Variants in KCNIP4 observed in about 807,000 individuals in gnomAD.
The protein encoded by KCNIP4 is Kv channel-interacting protein 4.
KCNIP4 carries 12 observed loss-of-function variants against 34.0 expected under a neutral mutation model. The observed-to-expected ratio is 0.35, with a 90% CI of 0.23 to 0.57. The LOEUF (loss-of-function observed/expected upper bound fraction) is 0.57, where lower values mean the gene tolerates loss of function less well. Among genes scored for constraint, KCNIP4 ranks in the 20% least tolerant of loss-of-function variants. KCNIP4 has a pLI of 0.83. For synonymous variants in KCNIP4, 124 were observed against 102.2 expected, an observed-to-expected ratio of 1.21 and a Z score of -1.29; for missense variants, 238 against 311.7, an observed-to-expected ratio of 0.76 and a Z score of 1.78.
intron 3 of KCNIP4, among the ~76,000 whole-genome samples, chr4:20,791,694 A>G (rs914113396): frequency 7.2e-5 from 11 of 152,224 alleles, no homozygotes; most frequent in Non-Finnish European, 1.5e-4. Context: ...TTTATATGTT[A>G]AGTTTATATG....
At chr4:20,930,498 A>C (rs917206399) in intron 1 of KCNIP4, among the ~76,000 whole-genome samples, 2 of 152,098 alleles carry the variant, frequency 1.3e-5, no homozygotes, top group African/African-American at 4.8e-5. Context: ...ACAGAATCGA[A>C]AATAAATAAA....
At chr4:21,269,122 T>C (rs1367492750) in intron 1 of KCNIP4, among the ~76,000 whole-genome samples, 1 of 152,134 alleles carries the variant, frequency 6.6e-6, no homozygotes, top group African/African-American at 2.4e-5. Context: ...ATAATCACAA[T>C]TTGGCTATAG....
At chr4:21,840,100 G>A (rs543557560) in intron 1 of KCNIP4, among the ~76,000 whole-genome samples, 7 of 151,920 alleles carry the variant, frequency 4.6e-5, no homozygotes, top group South Asian at 2.1e-4. Flanking sequence ...AAAGCACCGC[G>A]GAGGTAAGTT....
At chr4:21,513,752 C>T (rs1184047997) in intron 1 of KCNIP4, among the ~76,000 whole-genome samples, 2 of 152,116 alleles carry the variant, frequency 1.3e-5, no homozygotes, top group East Asian at 1.9e-4. Flanking sequence ...TTCAACGTTG[C>T]TACTTTATTG....
In KCNIP4 at chr4:21,434,773, A is replaced by AGGG. The variant is rs1560402283; in HGVS notation, c.61+513797_61+513798insCCC. ...CCCCACAACCCTGTCTGTGGGGGGA[A>AGGG]AAAAAAAAAAAAAGGCTTTCCATGA... On this transcript the variant is annotated intron_variant, in intron 1 of 8. Coordinates refer to ENST00000382152, the MANE Select transcript of KCNIP4 (RefSeq NM_025221.6). Among the ~76,000 whole-genome samples the AGGG allele has an allele frequency of 9.4e-5, 9 of 96,164 alleles. No homozygotes were observed. The South Asian group carries it at 1.5e-3, about 16-fold the overall frequency. 63.1% of individuals were successfully genotyped at this position (96,164 alleles called of 152,430 possible).
chr4:21,289,982 C>G (rs1578027071), intron 1 of KCNIP4, among the ~76,000 whole-genome samples: 1 of 152,000 alleles, frequency 6.6e-6, no homozygotes, highest in African/African-American at 2.4e-5. Flanking sequence ...CCCTAAGAAT[C>G]AGAAAACTAA....
intron 1 of KCNIP4, among the ~76,000 whole-genome samples, chr4:20,914,030 G>T (rs1728578181): frequency 6.6e-6 from 1 of 152,190 alleles, no homozygotes; most frequent in South Asian, 2.1e-4. Context: ...GGTGGTGGGT[G>T]CCTGTAATCC....
At chr4:21,330,638 A>C (rs1381528102) in intron 1 of KCNIP4, among the ~76,000 whole-genome samples, 1 of 152,174 alleles carries the variant, frequency 6.6e-6, no homozygotes, top group Non-Finnish European at 1.5e-5. Context: ...TTGAAACCCT[A>C]TAGAGCATTC....
chr4:21,515,369 T>C (rs1734665974), intron 1 of KCNIP4, among the ~76,000 whole-genome samples: 1 of 152,178 alleles, frequency 6.6e-6, no homozygotes, highest in South Asian at 2.1e-4. Context: ...CTGAGTGAGG[T>C]GGCTCATGCC....
At position 21,238,139 on chromosome 4, in the gene KCNIP4, C is replaced by T. The variant is rs1001357038; in HGVS notation, c.62-355430G>A. The stretch of plus-strand genomic sequence containing the variant: ...ACCAAAGACAAAAACCACATGATTA[C>T]CTCAATAGATGCAGAAAAGGCCTTT... On this transcript the variant is annotated intron_variant, in intron 1 of 8. Coordinates refer to ENST00000382152, the MANE Select transcript of KCNIP4 (RefSeq NM_025221.6). 9.5e-3 allele frequency among the ~76,000 whole-genome samples: 1,438 copies of T among 152,158 alleles called. 27 individuals are homozygous for T. Among genetic ancestry groups the T allele is most frequent in the African/African-American group, 0.033 (1,360 of 41,516 alleles).
chr4:20,770,488 C>A (rs1755772610), intron 3 of KCNIP4, among the ~76,000 whole-genome samples: 1 of 145,186 alleles, frequency 6.9e-6, no homozygotes, highest in South Asian at 2.2e-4. Flanking sequence ...AAAAAAAATA[C>A]CGAGTAAAGA....
rs199506047 is a variant in KCNIP4 at position 20,937,466 on chromosome 4, C to T, written c.62-54757G>A. ...AGCCAGGATGGTCTCGATCTCCTGA[C>T]CTAGTGATCCACCCGCCTCGGCCTC... On this transcript the variant is annotated intron_variant, in intron 1 of 8. Transcript: ENST00000382152. 5.3e-5 allele frequency among the ~76,000 whole-genome samples: 8 copies of T among 150,898 alleles called. No homozygotes were observed. The East Asian group carries it at 1.4e-3, about 26-fold the overall frequency.
chr4:21,610,679 C>T (rs1178895925), intron 1 of KCNIP4, among the ~76,000 whole-genome samples: 1 of 151,984 alleles, frequency 6.6e-6, no homozygotes, highest in Non-Finnish European at 1.5e-5. Flanking sequence ...TGAGTTTATT[C>T]ATACATTTTC....
intron 1 of KCNIP4, among the ~76,000 whole-genome samples, chr4:21,747,903 A>C (rs1716881356): frequency 6.6e-6 from 1 of 152,158 alleles, no homozygotes; most frequent in African/African-American, 2.4e-5. Context: ...AGACGCAAAA[A>C]AGGACACACA....
intron 1 of KCNIP4, among the ~76,000 whole-genome samples, chr4:20,888,430 T>C (rs773159004): frequency 3.9e-5 from 6 of 152,156 alleles, no homozygotes; most frequent in African/African-American, 1.4e-4. Context: ...AGAATGTACA[T>C]ATATGCTTCC....
chr4:21,666,962 G>A (rs1224706933), intron 1 of KCNIP4, among the ~76,000 whole-genome samples: 1 of 152,278 alleles, frequency 6.6e-6, no homozygotes, highest in Middle Eastern at 3.4e-3. Context: ...AGTAGAAGGA[G>A]AAATAGACAA....
Position 21,299,443 on chromosome 4 carries a change from C to A in KCNIP4, c.62-416734G>T, listed in dbSNP as rs111913131. On this transcript the variant is annotated intron_variant, in intron 1 of 8. Coordinates refer to ENST00000382152, the MANE Select transcript of KCNIP4 (RefSeq NM_025221.6). Reference sequence around the variant, plus strand: ...ATAAGAAAAGATGAACCATAAGAGACCCTAAAGGCGGTATATGTATTCCCT... The same window carrying A: ...ATAAGAAAAGATGAACCATAAGAGAACCTAAAGGCGGTATATGTATTCCCT... 3.9e-4 allele frequency among the ~76,000 whole-genome samples: 60 copies of A among 152,124 alleles called. 2 individuals carry two copies. Among genetic ancestry groups the A allele is most frequent in the African/African-American group, 1.4e-3 (60 of 41,522 alleles).
intron 1 of KCNIP4, among the ~76,000 whole-genome samples, chr4:21,147,962 A>AAAAAAAAT (rs1553945858): frequency 8.1e-6 from 1 of 123,920 alleles, no homozygotes. Flanking sequence ...AAAAAAAAAG[A>AAAAAAAAT]AAAAAAGTTC....
chr4:21,822,645 T>G (rs1286826787), intron 1 of KCNIP4, among the ~76,000 whole-genome samples: 6 of 151,884 alleles, frequency 4.0e-5, no homozygotes, highest in Admixed American at 3.9e-4. Flanking sequence ...TATGTATATT[T>G]AAACAGATAT....
Sources: gnomAD v4.1 joint callset for allele counts (sites outside exome capture counted in the v4.1 genomes callset) on GRCh38, gnomAD v4.1.1 for gene constraint, MANE v1.5 for transcripts, NCBI Gene and HGNC (gene_info 2026-07-23, HGNC 2026-07-21) for gene names.